The following GRIN2A variants were observed in gnomAD, a reference collection of about 807,000 sequenced individuals.
GRIN2A encodes the protein glutamate receptor ionotropic, NMDA 2A.
A neutral mutation model predicts 113.4 loss-of-function variants in GRIN2A; 22 were observed. The ratio of observed to expected loss-of-function variants is 0.19; its 90% CI spans 0.14 to 0.28. The LOEUF (loss-of-function observed/expected upper bound fraction) is 0.28, where lower values mean the gene tolerates loss of function less well. GRIN2A is among the 10% of genes least tolerant of loss of function. The pLI, the probability that GRIN2A is intolerant of heterozygous loss-of-function variation, is 1.00. For missense variants in GRIN2A, 1,502 were observed against 1,887.0 expected, an observed-to-expected ratio of 0.80 and a Z score of 3.78; for synonymous variants, 827 against 738.4, an observed-to-expected ratio of 1.12 and a Z score of -1.94.
chr16:10,006,362 G>A (rs1031706345), intron 2 of GRIN2A, among the ~76,000 whole-genome samples: 6 of 152,194 alleles, frequency 3.9e-5, no homozygotes, highest in African/African-American at 1.4e-4. Context: ...CTGTGTGCAA[G>A]ACAAAATGGG....
chr16:9,813,870 A>G (rs1317208824), intron 10 of GRIN2A, among the ~76,000 whole-genome samples: 5 of 152,222 alleles, frequency 3.3e-5, no homozygotes, highest in African/African-American at 7.2e-5. Flanking sequence ...TACCCCATTT[A>G]GAACAGCTCA....
At chr16:10,157,505 T>C (rs1351737319) in intron 2 of GRIN2A, among the ~76,000 whole-genome samples, 4 of 152,218 alleles carry the variant, frequency 2.6e-5, no homozygotes, top group Admixed American at 6.5e-5. Context: ...AGAGGTTTAA[T>C]TGACTCACAG....
chr16:9,883,281 A>G (rs796375247), intron 4 of GRIN2A, among the ~76,000 whole-genome samples: 83 of 152,352 alleles, frequency 5.4e-4, no homozygotes, highest in African/African-American at 1.9e-3. Flanking sequence ...AACAGATCAT[A>G]GAGGGGTCCA....
intron 2 of GRIN2A, among the ~76,000 whole-genome samples, chr16:10,124,702 T>C (rs549118270): frequency 5.1e-4 from 78 of 152,310 alleles, no homozygotes; most frequent in Admixed American, 1.5e-3. Context: ...TATTTATAAG[T>C]TGGCCCGTGT....
intron 2 of GRIN2A, among the ~76,000 whole-genome samples, chr16:10,020,075 T>C (rs973298782): frequency 6.6e-6 from 1 of 152,184 alleles, no homozygotes; most frequent in Non-Finnish European, 1.5e-5. Flanking sequence ...TATTTGTCAG[T>C]TAAACCTCAA....
chr16:9,846,306 T>C (rs1174669877), intron 5 of GRIN2A, among the ~76,000 whole-genome samples: 1 of 152,254 alleles, frequency 6.6e-6, no homozygotes, highest in East Asian at 1.9e-4. Flanking sequence ...GCAAGGGCCT[T>C]TTTAGGAGGG....
At chr16:9,847,687 A>C (rs958506526) in intron 5 of GRIN2A, among the ~76,000 whole-genome samples, 1 of 149,800 alleles carries the variant, frequency 6.7e-6, no homozygotes, top group Non-Finnish European at 1.5e-5. Flanking sequence ...TATATGTTTT[A>C]TATTTTTTAA....
At chr16:10,059,997 A>G (rs73508651) in intron 2 of GRIN2A, among the ~76,000 whole-genome samples, 5,186 of 152,186 alleles carry the variant, frequency 0.034, 315 homozygotes, top group African/African-American at 0.12. Context: ...GACATTACCA[A>G]AGTTCAGAAG....
chr16:9,862,465 C>T (rs1383792922), intron 4 of GRIN2A, among the ~76,000 whole-genome samples: 2 of 152,200 alleles, frequency 1.3e-5, no homozygotes, highest in South Asian at 2.1e-4. Context: ...ACCCGCATCT[C>T]TGCTTCCATT....
chr16:9,831,053 T>G (rs2042483107), intron 8 of GRIN2A, among the ~76,000 whole-genome samples: 1 of 152,164 alleles, frequency 6.6e-6, no homozygotes, highest in South Asian at 2.1e-4. Context: ...ATATAACTTT[T>G]CCCATAAAGT....
At chr16:9,902,112 T>C (rs1203992351) in intron 3 of GRIN2A, among the ~76,000 whole-genome samples, 2 of 152,192 alleles carry the variant, frequency 1.3e-5, no homozygotes, top group African/African-American at 4.8e-5. Flanking sequence ...TTCATCAATA[T>C]CCTCTTTTCT....
At chr16:9,805,481 C>G (rs865993809) in intron 10 of GRIN2A, 1 of 152,058 alleles carries the variant, frequency 6.6e-6, no homozygotes, top group African/African-American at 2.4e-5. Flanking sequence ...TTTTTCAGAT[C>G]AAACCAAACC....
chr16:9,908,136 A>T (rs2044064417), intron 3 of GRIN2A, among the ~76,000 whole-genome samples: 1 of 152,214 alleles, frequency 6.6e-6, no homozygotes, highest in Non-Finnish European at 1.5e-5. Context: ...CTCATAATGA[A>T]ACTTGACAGC....
At chr16:10,068,012 C>A (rs1382661546) in intron 2 of GRIN2A, among the ~76,000 whole-genome samples, 1 of 152,210 alleles carries the variant, frequency 6.6e-6, no homozygotes, top group Non-Finnish European at 1.5e-5. Context: ...CTCTAGGCTA[C>A]AAGATGGCTG....
chr16:9,973,449 A>C (rs2045713559), intron 2 of GRIN2A, among the ~76,000 whole-genome samples: 1 of 152,304 alleles, frequency 6.6e-6, no homozygotes, highest in African/African-American at 2.4e-5. Flanking sequence ...TCTCAGTTAT[A>C]ATTTTTGCAA....
chr16:9,896,026 C>T (rs537682310), intron 3 of GRIN2A, among the ~76,000 whole-genome samples: 9 of 151,458 alleles, frequency 5.9e-5, no homozygotes, highest in East Asian at 1.9e-4. Context: ...CACAAGGTTG[C>T]GTAACATGAA....
chr16:10,161,020 G>C (rs919983699), intron 2 of GRIN2A, among the ~76,000 whole-genome samples: 2 of 152,208 alleles, frequency 1.3e-5, no homozygotes, highest in Non-Finnish European at 2.9e-5. Flanking sequence ...ACTTCCTAGA[G>C]CATTGCTTTT....
chr16:9,802,093 A>G (rs889220402), intron 10 of GRIN2A, among the ~76,000 whole-genome samples: 3 of 152,244 alleles, frequency 2.0e-5, no homozygotes, highest in African/African-American at 4.8e-5. Context: ...GTTGTGAAGA[A>G]AAAGAAAAGA....
At chr16:10,000,602 A>C (rs1781868887) in intron 2 of GRIN2A, among the ~76,000 whole-genome samples, 1 of 152,074 alleles carries the variant, frequency 6.6e-6, no homozygotes. Context: ...GAAACAGAGG[A>C]GAGAGAACAG....
Sources: allele counts gnomAD v4.1 joint callset (sites outside exome capture counted in the v4.1 genomes callset), GRCh38; gene constraint gnomAD v4.1.1; transcripts MANE v1.5; gene names NCBI Gene and HGNC (gene_info 2026-07-23, HGNC 2026-07-21).